Variants in LHFPL5 observed in about 807,000 individuals in gnomAD.
The protein encoded by LHFPL5 is LHFPL tetraspan subfamily member 5, also known as LHFPL tetraspan subfamily member 5 protein.
LHFPL5 carries 12 observed loss-of-function variants against 18.7 expected under a neutral mutation model. The ratio of observed to expected loss-of-function variants is 0.64; its 90% CI spans 0.41 to 1.04. LHFPL5 has a LOEUF of 1.04. Ranked by LOEUF, LHFPL5 falls within the 50% of genes least tolerant of loss-of-function variation. The pLI is 0.00. For synonymous variants in LHFPL5, 111 were observed against 120.2 expected (o/e 0.92, Z 0.50); for missense variants, 259 against 292.1 (o/e 0.89, Z 0.83).
rs1265899422 is a variant in LHFPL5, at chr6:35,806,077, C to T, written c.407C>T (p.Ala136Val). Reference sequence around the variant, plus strand: ...AAGATCTGTGCATGGATGCAGCTGGCTGCGGGTAAGCAGAGATGGTGGGAG... The same window carrying T: ...AAGATCTGTGCATGGATGCAGCTGGTTGCGGGTAAGCAGAGATGGTGGGAG... ...VYKICAWMQLAAATGLMIGCL... is the reference protein window; with the variant it reads ...VYKICAWMQLVAATGLMIGCL... Residue 136 changes from alanine (A) to valine (V), a missense_variant, in exon 1 of 4, where the codon GCT becomes GTT. Coordinates refer to ENST00000360215, the MANE Select transcript of LHFPL5 (RefSeq NM_182548.4). The T allele has an allele frequency of 1.2e-6, 2 of 1,613,898 alleles. No homozygotes were observed. The highest frequency in any genetic ancestry group is 1.7e-6 in the Non-Finnish European group (2 of 1,180,008).
At position 35,814,447 on chromosome 6, in the gene LHFPL5, G is replaced by A. The variant is rs1212807989; in HGVS notation, c.413-99G>A. ...TGCCTCCTGAGGCTGTTAACAGAAG[G>A]AGAAGGGAGGTGACAACATAACAGC... On this transcript the variant is annotated intron_variant, in intron 1 of 3. Transcript: ENST00000360215. This position sits in a 1 kb window ranked among gnomAD's most constrained non-coding sequence, Gnocchi z 4.2. The A allele has an allele frequency of 3.2e-6, 3 of 947,914 alleles. No homozygotes were observed. The highest frequency in any genetic ancestry group is 3.2e-5 in the African/African-American group (2 of 62,148). The allele number at this position is 947,914 out of a possible 1,614,324, so 58.7% of individuals were successfully genotyped here.
intron 2 of LHFPL5, among the ~76,000 whole-genome samples, chr6:35,818,935 G>A (rs965319267): frequency 1.4e-4 from 22 of 151,760 alleles, no homozygotes; most frequent in Admixed American, 1.2e-3. Context: ...ATTTTCAAGC[G>A]ATTCTCCTGC....
intron 1 of LHFPL5, chr6:35,811,212 C>T (rs880062): frequency 0.38 from 57,111 of 152,086 alleles, 11,876 homozygotes; most frequent in African/African-American, 0.55. Context: ...ACAACCTTGC[C>T]TTGCACCTGG....
At chr6:35,811,678 C>G (rs1476512714) in intron 1 of LHFPL5, among the ~76,000 whole-genome samples, 2 of 152,200 alleles carry the variant, frequency 1.3e-5, no homozygotes, top group Non-Finnish European at 1.5e-5. Context: ...AATGCAAAGC[C>G]TGGAAGGGCA....
intron 1 of LHFPL5, among the ~76,000 whole-genome samples, chr6:35,810,614 A>G (rs1332930479): frequency 6.6e-6 from 1 of 152,170 alleles, no homozygotes; most frequent in Non-Finnish European, 1.5e-5. Context: ...AGTCCCAGGC[A>G]CAGCTGCCCT....
At chr6:35,815,917 A>G (rs1768750865) in intron 2 of LHFPL5, among the ~76,000 whole-genome samples, 1 of 152,172 alleles carries the variant, frequency 6.6e-6, no homozygotes. Context: ...CATGCCTATA[A>G]TCCCAGAACT....
intron 2 of LHFPL5, among the ~76,000 whole-genome samples, chr6:35,816,404 G>A (rs911369545): frequency 6.6e-6 from 1 of 151,846 alleles, no homozygotes; most frequent in Non-Finnish European, 1.5e-5. Flanking sequence ...AAAGAGCTGG[G>A]CCAAGGAGAG....
chr6:35,805,481 C>T lies in LHFPL5; in HGVS notation c.-190C>T. The T allele has an allele frequency of 1.6e-6, 1 of 618,536 alleles. No homozygotes were observed. The highest frequency in any genetic ancestry group is 2.9e-6 in the Non-Finnish European group (1 of 349,092). The allele number at this position is 618,536 out of a possible 1,614,324, so 38.3% of individuals were successfully genotyped here. On this transcript the variant is annotated 5_prime_UTR_variant, in exon 1 of 4. Coordinates refer to ENST00000360215, the MANE Select transcript of LHFPL5 (RefSeq NM_182548.4). The surrounding 1 kb of genome is among the most constrained non-coding windows in gnomAD (Gnocchi z 4.3). ...GGACACAGGCACCTGGCAAGCTTTC[C>T]TTGACCAAATCAAGGTTGTCCTTGT...
intron 3 of LHFPL5, among the ~76,000 whole-genome samples, chr6:35,821,054 A>C (rs1768856350): frequency 6.6e-6 from 1 of 152,186 alleles, no homozygotes; most frequent in African/African-American, 2.4e-5. Context: ...CTGTAATCCC[A>C]GCACTTTGGG....
chr6:35,806,119 C>T (rs771289147), intron 1 of LHFPL5, 37 bp downstream of exon 1: 35 of 1,605,160 alleles, frequency 2.2e-5, no homozygotes, highest in Non-Finnish European at 3.0e-5. Context: ...CAGGGGCCCA[C>T]CCCGGGGCCA....
intron 1 of LHFPL5, among the ~76,000 whole-genome samples, chr6:35,812,736 G>A (rs558483629): frequency 1.3e-5 from 2 of 152,250 alleles, no homozygotes; most frequent in South Asian, 4.2e-4. Context: ...TGTCCATTTT[G>A]TAGATGAGGA....
At chr6:35,820,545 A>G (rs1455333332) in intron 3 of LHFPL5, among the ~76,000 whole-genome samples, 3 of 151,834 alleles carry the variant, frequency 2.0e-5, no homozygotes, top group Non-Finnish European at 4.4e-5. Context: ...CTAAAAATAC[A>G]AAAAATTAGC....
At chr6:35,821,866 T>TTTTTG in intron 3 of LHFPL5, among the ~76,000 whole-genome samples, 1 of 102,602 alleles carries the variant, frequency 9.7e-6, no homozygotes, top group Non-Finnish European at 1.9e-5. Context: ...AATTTTTTTT[T>TTTTTG]TTTTTTTTTT....
chr6:35,812,375 G>A (rs1768679185), intron 1 of LHFPL5, among the ~76,000 whole-genome samples: 1 of 152,150 alleles, frequency 6.6e-6, no homozygotes, highest in Admixed American at 6.5e-5. Context: ...AGACCTGTGG[G>A]AAAGTGGCAC....
rs986126926 is a variant in LHFPL5, at chr6:35,814,416, C to T, written c.413-130C>T. Reference sequence around the variant, plus strand: ...CTGCAAGAAGGATGGTAGAGGCTGCCTCTCATGCCTCCTGAGGCTGTTAAC... The same window carrying T: ...CTGCAAGAAGGATGGTAGAGGCTGCTTCTCATGCCTCCTGAGGCTGTTAAC... On this transcript the variant is annotated intron_variant, in intron 1 of 3. Coordinates refer to ENST00000360215, the MANE Select transcript of LHFPL5 (RefSeq NM_182548.4). The surrounding 1 kb of genome is among the most constrained non-coding windows in gnomAD (Gnocchi z 4.2). 1 of 816,786 alleles carries T rather than the reference C, an allele frequency of 1.2e-6. No homozygotes were observed. The highest frequency in any genetic ancestry group is 1.7e-5 in the African/African-American group (1 of 59,866). The allele number at this position is 816,786 out of a possible 1,614,324, so 50.6% of individuals were successfully genotyped here.
intron 1 of LHFPL5, among the ~76,000 whole-genome samples, chr6:35,810,368 A>G (rs1247021837): frequency 6.6e-6 from 1 of 152,216 alleles, no homozygotes; most frequent in African/African-American, 2.4e-5. Flanking sequence ...AAGATGGGAT[A>G]ATAGAATGCA....
chr6:35,819,404 T>C, intron 2 of LHFPL5, 33 bp from the exon 3 acceptor site: 2 of 1,610,800 alleles, frequency 1.2e-6, no homozygotes, highest in South Asian at 1.1e-5. Flanking sequence ...CGAGACTTGG[T>C]AGTAACGTAT....
At position 35,814,707 on chromosome 6, in the gene LHFPL5, C is replaced by A; in HGVS notation, c.574C>A (p.Leu192Ile). 6.2e-7 allele frequency: 1 copy of A among 1,614,182 alleles called. No individual in the cohort carries two copies. The highest frequency in any genetic ancestry group is 8.5e-7 in the Non-Finnish European group (1 of 1,180,034). ...AILSIGDALI[L>I]SFLAFVLGYR... ...CCTCAGCATTGGCGACGCCCTCATC[C>A]TCTCCTTCCTGGCCTTCGTGTTGGG... The change falls in exon 2 of 4, where the codon CTC becomes ATC. Residue 192 changes from leucine (L) to isoleucine (I), a missense_variant. Transcript: ENST00000360215. The surrounding 1 kb of genome is among the most constrained non-coding windows in gnomAD (Gnocchi z 4.2).
In LHFPL5 at chr6:35,805,890, TC is replaced by T. The variant is rs1423552506; in HGVS notation, c.222del (p.Ser75ProfsTer10). The T allele has an allele frequency of 3.1e-6, 5 of 1,614,114 alleles. No individual in the cohort carries two copies. The highest frequency in any genetic ancestry group is 4.2e-6 in the Non-Finnish European group (5 of 1,180,030). ...CTCCTACTGCGTGGGTAACGTGCTG[TC>T]CTCCGAGCTCATCTGCAAGGGCGGC... ...LFSYCVGNVL[S>X]SELICKGGPL... On this transcript the variant is annotated frameshift_variant, in exon 1 of 4. Transcript: ENST00000360215. LOFTEE classifies it high-confidence loss of function. This position sits in a 1 kb window ranked among gnomAD's most constrained non-coding sequence, Gnocchi z 4.3.
Sources: gnomAD v4.1 joint callset for allele counts (sites outside exome capture counted in the v4.1 genomes callset) on GRCh38, gnomAD v4.1.1 for gene constraint, Gnocchi (gnomAD v3.1) non-coding constraint, MANE v1.5 for transcripts, NCBI Gene and HGNC (gene_info 2026-07-23, HGNC 2026-07-21) for gene names.